Variants in DPYD observed in about 807,000 individuals in gnomAD.
DPYD encodes the protein dihydropyrimidine dehydrogenase [NADP(+)].
Under a neutral mutation model 116.2 loss-of-function variants are expected in DPYD, and 109 were observed. That is an observed-to-expected ratio of 0.94 (90% CI 0.80 to 1.10). DPYD has a LOEUF of 1.10. Among genes scored for constraint, DPYD ranks in the 50% least tolerant of loss-of-function variants. DPYD has a pLI of 0.00. For missense variants in DPYD, 1,302 were observed against 1,254.5 expected (o/e 1.04, Z -0.57); for synonymous variants, 440 against 432.0 (o/e 1.02, Z -0.23).
intron 16 of DPYD, among the ~76,000 whole-genome samples, chr1:97,367,127 A>C (rs1441710470): frequency 6.6e-6 from 1 of 152,090 alleles, no homozygotes; most frequent in Non-Finnish European, 1.5e-5. Flanking sequence ...AAATTCTAGC[A>C]CATCTGGGGC....
intron 8 of DPYD, among the ~76,000 whole-genome samples, chr1:97,667,504 C>A (rs1305980221): frequency 2.0e-5 from 3 of 152,040 alleles, no homozygotes; most frequent in Non-Finnish European, 2.9e-5. Context: ...AATGAAAAAT[C>A]ATTATATACT....
intron 2 of DPYD, among the ~76,000 whole-genome samples, chr1:97,862,927 A>C (rs564689996): frequency 4.1e-4 from 62 of 151,932 alleles, no homozygotes; most frequent in Non-Finnish European, 7.1e-4. Context: ...TCATCACATC[A>C]ATCTCGAATA....
At chr1:97,750,628 C>T (rs966324624) in intron 3 of DPYD, among the ~76,000 whole-genome samples, 1 of 152,104 alleles carries the variant, frequency 6.6e-6, no homozygotes, top group African/African-American at 2.4e-5. Flanking sequence ...CAATGATACT[C>T]CCATATATGA....
At position 97,431,408 on chromosome 1, in the gene DPYD, T is replaced by C. The variant is rs1034979256; in HGVS notation, c.1905+18651A>G. ...GCCAAGGAAGGCCACTGGGAGATGG[T>C]ACCAAGCGAGTTGATGATTTCTGCT... On this transcript the variant is annotated intron_variant, in intron 14 of 22. Transcript: ENST00000370192. 2.6e-5 allele frequency among the ~76,000 whole-genome samples: 4 copies of C among 152,118 alleles called. No individual in the cohort carries two copies. In the South Asian group the frequency reaches 6.2e-4, roughly 24 times the overall value.
At chr1:97,313,790 T>G (rs1051023485) in intron 16 of DPYD, among the ~76,000 whole-genome samples, 9 of 151,996 alleles carry the variant, frequency 5.9e-5, no homozygotes, top group Admixed American at 6.6e-5. Flanking sequence ...TCTTTATTAC[T>G]GCATTTATCA....
chr1:97,812,643 T>C (rs1241733017), intron 3 of DPYD, among the ~76,000 whole-genome samples: 1 of 152,058 alleles, frequency 6.6e-6, no homozygotes, highest in Non-Finnish European at 1.5e-5. Flanking sequence ...TGGTCCTAAA[T>C]TATTTGGCAT....
At chr1:97,272,100 T>C (rs1664618362) in intron 18 of DPYD, among the ~76,000 whole-genome samples, 1 of 152,176 alleles carries the variant, frequency 6.6e-6, no homozygotes, top group South Asian at 2.1e-4. Context: ...TCCATTCAAT[T>C]TGACACTCAG....
intron 14 of DPYD, among the ~76,000 whole-genome samples, chr1:97,399,197 AT>A (rs1478868992): frequency 6.6e-6 from 1 of 152,216 alleles, no homozygotes; most frequent in East Asian, 1.9e-4. Flanking sequence ...CATGTATTAA[AT>A]AGGGAATCCT....
chr1:97,854,346 A>C (rs1319973462), intron 2 of DPYD, among the ~76,000 whole-genome samples: 1 of 152,196 alleles, frequency 6.6e-6, no homozygotes, highest in East Asian at 1.9e-4. Context: ...CCAAAAGTTT[A>C]TTTAGCTTAC....
intron 18 of DPYD, among the ~76,000 whole-genome samples, chr1:97,269,227 A>C (rs774019372): frequency 6.6e-6 from 1 of 152,108 alleles, no homozygotes; most frequent in Non-Finnish European, 1.5e-5. Context: ...CTGAAATCTT[A>C]TCAGAATGCC....
At chr1:97,484,563 T>C (rs1678512598) in intron 13 of DPYD, among the ~76,000 whole-genome samples, 1 of 152,192 alleles carries the variant, frequency 6.6e-6, no homozygotes, top group Non-Finnish European at 1.5e-5. Context: ...TCTCATTTTA[T>C]ATTGTTGGAA....
intron 8 of DPYD, among the ~76,000 whole-genome samples, chr1:97,677,866 G>T (rs1383212519): frequency 6.6e-6 from 1 of 152,142 alleles, no homozygotes; most frequent in East Asian, 1.9e-4. Flanking sequence ...ACTTCAGAAA[G>T]GCAATGAAAA....
intron 19 of DPYD, among the ~76,000 whole-genome samples, chr1:97,195,237 T>A (rs557456189): frequency 1.3e-5 from 2 of 152,106 alleles, no homozygotes; most frequent in East Asian, 1.9e-4. Context: ...TATCCTGTTT[T>A]CCCAGATGTT....
At chr1:97,165,379 C>T (rs930603574) in intron 20 of DPYD, among the ~76,000 whole-genome samples, 2 of 152,102 alleles carry the variant, frequency 1.3e-5, no homozygotes, top group Admixed American at 6.6e-5. Context: ...TAGCCATATG[C>T]AGAAGATTAA....
chr1:97,098,597 G>A lies in DPYD; in HGVS notation c.2658C>T (p.Arg886=). The A allele has an allele frequency of 6.2e-7, 1 of 1,612,948 alleles. No individual in the cohort carries two copies. Among genetic ancestry groups the A allele is most frequent in the Non-Finnish European group, 8.5e-7 (1 of 1,179,428 alleles). ...TCTTGTTTTCTGCTATGATTTTCTT[G>A]CGCTGTTCCAGATAAGGTCCAAAAC... is the stretch of plus-strand genomic sequence containing the variant. ...LPSFGPYLEQ[R]KKIIAENKIR... The change falls in exon 21 of 23, where the codon CGC becomes CGT. Residue 886 remains arginine, a synonymous_variant. Transcript: ENST00000370192.
At position 97,329,995 on chromosome 1, in the gene DPYD, C is replaced by CA. The variant is rs565679392; in HGVS notation, c.2059-23699dup. Among the ~76,000 whole-genome samples, 55 of 151,310 alleles carry CA rather than the reference C, an allele frequency of 3.6e-4. No homozygotes were observed. The East Asian group carries it at 8.7e-3, about 24-fold the overall frequency. On this transcript the variant is annotated intron_variant, in intron 16 of 22. Transcript: ENST00000370192. ...CAAAATATGCAATGTATTTCCATCT[C>CA]AAAAAAAATTCAAGTCCTAACTTGA...
chr1:97,431,723 C>T (rs1259671704), intron 14 of DPYD, among the ~76,000 whole-genome samples: 1 of 152,084 alleles, frequency 6.6e-6, no homozygotes, highest in East Asian at 1.9e-4. Flanking sequence ...CAATTCCACT[C>T]CTCAGTTATT....
At chr1:97,374,754 T>G (rs1671510989) in intron 15 of DPYD, among the ~76,000 whole-genome samples, 1 of 136,662 alleles carries the variant, frequency 7.3e-6, no homozygotes, top group Non-Finnish European at 1.5e-5. Context: ...AAAAAAGTTA[T>G]TATAGTGGCC....
chr1:97,808,021 T>C (rs1174164775), intron 3 of DPYD, among the ~76,000 whole-genome samples: 9 of 152,164 alleles, frequency 5.9e-5, no homozygotes, highest in Non-Finnish European at 1.3e-4. Flanking sequence ...TACTGCAGCT[T>C]TACAGTAAGT....
Sources: allele counts gnomAD v4.1 joint callset (sites outside exome capture counted in the v4.1 genomes callset), GRCh38; gene constraint gnomAD v4.1.1; transcripts MANE v1.5; gene names NCBI Gene and HGNC (gene_info 2026-07-23, HGNC 2026-07-21).